The following MRPL1 variants were observed in gnomAD, a reference collection of about 807,000 sequenced individuals.
MRPL1 encodes the protein mitochondrial ribosomal protein L1, also known as large ribosomal subunit protein uL1m.
In MRPL1, 28 loss-of-function variants were observed where a neutral mutation model predicts 38.0. That is an observed-to-expected ratio of 0.74 (90% CI 0.55 to 1.01). The LOEUF (loss-of-function observed/expected upper bound fraction) is 1.01. Ranked by LOEUF, MRPL1 falls within the 50% of genes least tolerant of loss-of-function variation. The pLI, the probability that MRPL1 is intolerant of heterozygous loss-of-function variation, is 0.00. For missense variants in MRPL1, 358 were observed against 389.8 expected (o/e 0.92, Z 0.69); for synonymous variants, 123 against 126.7 (o/e 0.97, Z 0.20).
intron 7 of MRPL1, among the ~76,000 whole-genome samples, chr4:77,924,712 C>G (rs1736670472): frequency 6.6e-6 from 1 of 152,110 alleles, no homozygotes; most frequent in South Asian, 2.1e-4. Flanking sequence ...ATCATTTTTA[C>G]TCATAGTCTA....
chr4:77,890,436 G>A (rs1225133692), intron 5 of MRPL1, among the ~76,000 whole-genome samples: 1 of 152,094 alleles, frequency 6.6e-6, no homozygotes, highest in East Asian at 1.9e-4. Flanking sequence ...AAATTCAACA[G>A]CCCTTCATGC....
chr4:77,871,936 T>G lies in MRPL1; in HGVS notation c.143+81T>G. ...AAAGCATGTTTAGTTCCATAAAGAT[T>G]TACCAGGACATATAGTTGTAAAAGT... On this transcript the variant is annotated intron_variant, in intron 2 of 8. Coordinates refer to ENST00000315567, the MANE Select transcript of MRPL1 (RefSeq NM_020236.4). 5 of 887,334 alleles carry G rather than the reference T, an allele frequency of 5.6e-6. No homozygotes were observed. The South Asian group carries it at 6.1e-5, about 11-fold the overall frequency. 55.0% of individuals were successfully genotyped at this position (887,334 alleles called of 1,614,324 possible).
rs143912358 is a variant in MRPL1, at chr4:77,893,830, T to C, written c.559-309T>C. 4.2e-3 allele frequency among the ~76,000 whole-genome samples: 639 copies of C among 152,326 alleles called. 3 individuals carry two copies. Among genetic ancestry groups the C allele is most frequent in the Middle Eastern group, 0.014 (4 of 294 alleles). On this transcript the variant is annotated intron_variant, in intron 5 of 8. Coordinates refer to ENST00000315567, the MANE Select transcript of MRPL1 (RefSeq NM_020236.4). ...TAATAAATATATGAATTTAACTTTG[T>C]GGGATTCTGTAAGCCATGCACACAT...
intron 7 of MRPL1, among the ~76,000 whole-genome samples, chr4:77,938,630 T>C (rs1288255283): frequency 6.6e-6 from 1 of 152,172 alleles, no homozygotes; most frequent in African/African-American, 2.4e-5. Flanking sequence ...CAGTATCCCA[T>C]AAAAATCCAG....
At chr4:77,877,655 C>T (rs1357212961) in intron 2 of MRPL1, among the ~76,000 whole-genome samples, 1 of 149,282 alleles carries the variant, frequency 6.7e-6, no homozygotes, top group African/African-American at 2.5e-5. Context: ...GCAGCTGGAC[C>T]TTGGGGTTGG....
intron 2 of MRPL1, among the ~76,000 whole-genome samples, chr4:77,873,267 A>C (rs1578037788): frequency 6.6e-6 from 1 of 152,244 alleles, no homozygotes; most frequent in South Asian, 2.1e-4. Flanking sequence ...TTACAGATGA[A>C]GGAATGGAAG....
At chr4:77,897,505 A>G (rs1735945027) in intron 6 of MRPL1, among the ~76,000 whole-genome samples, 1 of 152,256 alleles carries the variant, frequency 6.6e-6, no homozygotes, top group Admixed American at 6.5e-5. Context: ...AAGGGACATG[A>G]TTAGAAAATT....
intron 7 of MRPL1, among the ~76,000 whole-genome samples, chr4:77,941,351 T>C (rs1315735562): frequency 6.6e-6 from 1 of 152,154 alleles, no homozygotes; most frequent in East Asian, 1.9e-4. Flanking sequence ...TGTTCTTTCC[T>C]GGTTTTGGTA....
intron 1 of MRPL1, among the ~76,000 whole-genome samples, chr4:77,863,428 T>G (rs1348744710): frequency 1.3e-5 from 2 of 151,914 alleles, no homozygotes; most frequent in Non-Finnish European, 2.9e-5. Context: ...TTTCAACTTT[T>G]TGTCTACGAT....
chr4:77,892,490 A>C (rs1285489782), intron 5 of MRPL1, among the ~76,000 whole-genome samples: 1 of 152,206 alleles, frequency 6.6e-6, no homozygotes, highest in East Asian at 1.9e-4. Context: ...ATTTTGAAAC[A>C]TCACAGATAT....
intron 2 of MRPL1, among the ~76,000 whole-genome samples, chr4:77,878,081 C>T (rs986091954): frequency 9.2e-5 from 14 of 152,160 alleles, no homozygotes; most frequent in Non-Finnish European, 1.5e-4. Context: ...CTGGTTGTTT[C>T]TTACCTGCTT....
chr4:77,892,188 A>G (rs893644901), intron 5 of MRPL1, among the ~76,000 whole-genome samples: 1 of 150,684 alleles, frequency 6.6e-6, no homozygotes, highest in Non-Finnish European at 1.5e-5. Context: ...GGGGAGTGCA[A>G]TGGCGCAATC....
chr4:77,925,982 G>C (rs1391943437), intron 7 of MRPL1, among the ~76,000 whole-genome samples: 1 of 152,130 alleles, frequency 6.6e-6, no homozygotes, highest in East Asian at 1.9e-4. Flanking sequence ...AAAGATAGTG[G>C]TTTGAACACC....
Position 77,886,789 on chromosome 4 carries a change from C to CTTTTT in MRPL1, c.487-414_487-410dup, listed in dbSNP as rs71214375. ...GCTCACTGCACCTGGTTTGCATTTT[C>CTTTTT]TTTTTTTTTTTTTTTTTTTTTGAGA... is the stretch of plus-strand genomic sequence containing the variant. On this transcript the variant is annotated intron_variant, in intron 4 of 8. Coordinates refer to ENST00000315567, the MANE Select transcript of MRPL1 (RefSeq NM_020236.4). 1.9e-3 allele frequency among the ~76,000 whole-genome samples: 175 copies of CTTTTT among 90,476 alleles called. 3 individuals are homozygous for CTTTTT. Among genetic ancestry groups the CTTTTT allele is most frequent in the African/African-American group, 2.2e-3 (47 of 21,598 alleles). The allele number at this position is 90,476 out of a possible 152,430, so 59.4% of individuals were successfully genotyped here. A position where few individuals can be genotyped will look rare whatever the true frequency, so the allele number is the denominator to read the frequency against.
Position 77,871,750 on chromosome 4 carries a change from T to C in MRPL1, c.38T>C (p.Ile13Thr). Reference sequence around the variant, plus strand: ...ACATGTTTTTCCTTTCAAGCCTTGATACATCATCAAAGGCATAGCCTTTCC... The same window carrying C: ...ACATGTTTTTCCTTTCAAGCCTTGACACATCATCAAAGGCATAGCCTTTCC... ...AAVRCMGRAL[I>T]HHQRHSLSKM... The change falls in exon 2 of 9, where the codon ATA (isoleucine) becomes ACA (threonine). Residue 13 changes from isoleucine to threonine, a missense_variant. Transcript: ENST00000315567. 3 of 1,517,606 alleles carry C rather than the reference T, an allele frequency of 2.0e-6. No individual in the cohort carries two copies. The highest frequency in any genetic ancestry group is 2.7e-6 in the Non-Finnish European group (3 of 1,126,726). The allele number at this position is 1,517,606 out of a possible 1,614,324, so 94.0% of individuals were successfully genotyped here. A position where few individuals can be genotyped will look rare whatever the true frequency, so the allele number is the denominator to read the frequency against.
chr4:77,888,902 C>T (rs1421384894), intron 5 of MRPL1, among the ~76,000 whole-genome samples: 1 of 152,006 alleles, frequency 6.6e-6, no homozygotes, highest in Non-Finnish European at 1.5e-5. Flanking sequence ...TGATGTTCCC[C>T]ACCCTGTCAA....
chr4:77,898,988 GATTTT>G (rs1560465419), intron 6 of MRPL1, among the ~76,000 whole-genome samples: 2 of 140,648 alleles, frequency 1.4e-5, no homozygotes. Flanking sequence ...CTTATGCACA[GATTTT>G]TTTTTTTTTT....
At chr4:77,904,582 G>T (rs1736112937) in intron 6 of MRPL1, among the ~76,000 whole-genome samples, 1 of 151,990 alleles carries the variant, frequency 6.6e-6, no homozygotes, top group South Asian at 2.1e-4. Flanking sequence ...AATTAAAAGA[G>T]AGAATGATTT....
rs72871117 is a variant in MRPL1, at chr4:77,933,138, G to C, written c.778-16659G>C. ...TTTTAATTTTCTTTTTAGAGATGGA[G>C]TCTTGCTATGTTGCTCAGGCTGGCC... On this transcript the variant is annotated intron_variant, in intron 7 of 8. Transcript: ENST00000315567. 6.0e-4 allele frequency among the ~76,000 whole-genome samples: 91 copies of C among 152,196 alleles called. 1 individual carries two copies. Among genetic ancestry groups the C allele is most frequent in the African/African-American group, 2.1e-3 (86 of 41,530 alleles).
Sources: gnomAD v4.1 joint callset for allele counts (sites outside exome capture counted in the v4.1 genomes callset) on GRCh38, gnomAD v4.1.1 for gene constraint, MANE v1.5 for transcripts, NCBI Gene and HGNC (gene_info 2026-07-23, HGNC 2026-07-21) for gene names.